Variants in AKT3 observed in about 807,000 individuals in gnomAD.
AKT3 encodes the protein RAC-gamma serine/threonine-protein kinase.
A neutral mutation model predicts 65.3 loss-of-function variants in AKT3; 15 were observed. That is an observed-to-expected ratio of 0.23 (90% CI 0.15 to 0.35). AKT3 has a LOEUF of 0.35. AKT3 is among the 10% of genes least tolerant of loss of function. The pLI is 1.00. For synonymous variants in AKT3, 206 were observed against 183.8 expected (o/e 1.12, Z -0.98); for missense variants, 243 against 576.5 (o/e 0.42, Z 5.92).
intron 2 of AKT3, among the ~76,000 whole-genome samples, chr1:243,782,005 T>G (rs1018531266): frequency 3.3e-5 from 5 of 152,130 alleles, no homozygotes; most frequent in Non-Finnish European, 7.3e-5. Context: ...GTATTTTTTG[T>G]AGAAGTGGAG....
chr1:243,676,894 G>A (rs1315922746), intron 3 of AKT3, among the ~76,000 whole-genome samples: 1 of 152,022 alleles, frequency 6.6e-6, no homozygotes, highest in South Asian at 2.1e-4. Context: ...TTCTCCCTAA[G>A]TTGTCCTACA....
chr1:243,585,418 AGC>A (rs1269866005), intron 8 of AKT3, among the ~76,000 whole-genome samples: 11 of 152,124 alleles, frequency 7.2e-5, no homozygotes, highest in African/African-American at 2.7e-4. Flanking sequence ...ACCAAAAAAG[AGC>A]CAGAATAGCC....
rs550372978 is a variant in AKT3, at chr1:243,590,348, T to C, written c.697-17300A>G. 5.9e-4 allele frequency among the ~76,000 whole-genome samples: 90 copies of C among 152,280 alleles called. 2 individuals carry two copies. In the South Asian group the frequency reaches 0.018, roughly 31 times the overall value. ...ACACGTATCAAATCACTACACTGTA[T>C]ACCTAAAATTTATACAATTTTATTT... is the stretch of plus-strand genomic sequence containing the variant. On this transcript the variant is annotated intron_variant, in intron 8 of 13. Transcript: ENST00000673466.
At chr1:243,543,197 G>A (rs1672434615) in intron 12 of AKT3, among the ~76,000 whole-genome samples, 1 of 152,024 alleles carries the variant, frequency 6.6e-6, no homozygotes, top group East Asian at 1.9e-4. Context: ...CTTTACACTG[G>A]GCATGTCTAA....
At chr1:243,675,580 C>T (rs1683454223) in intron 3 of AKT3, among the ~76,000 whole-genome samples, 1 of 152,230 alleles carries the variant, frequency 6.6e-6, no homozygotes, top group Admixed American at 6.5e-5. Flanking sequence ...CTTCGTTTTG[C>T]TGGTAAATCA....
intron 2 of AKT3, among the ~76,000 whole-genome samples, chr1:243,718,010 A>G (rs1686619155): frequency 6.6e-6 from 1 of 152,232 alleles, no homozygotes; most frequent in Non-Finnish European, 1.5e-5. Flanking sequence ...TACACCCATT[A>G]AAGTATGCAA....
At chr1:243,758,747 G>A (rs1455301845) in intron 2 of AKT3, among the ~76,000 whole-genome samples, 2 of 152,158 alleles carry the variant, frequency 1.3e-5, no homozygotes. Flanking sequence ...AATAGGGTTC[G>A]CACTCCTATG....
chr1:243,810,752 G>A (rs1693083521), intron 2 of AKT3, among the ~76,000 whole-genome samples: 1 of 152,160 alleles, frequency 6.6e-6, no homozygotes, highest in Non-Finnish European at 1.5e-5. Context: ...CAACATCCCT[G>A]ATGAACATCG....
At chr1:243,492,564 A>G (rs1666772910) in intron 13 of AKT3, among the ~76,000 whole-genome samples, 1 of 148,692 alleles carries the variant, frequency 6.7e-6, no homozygotes, top group South Asian at 2.1e-4. Flanking sequence ...TTAGCCTCCT[A>G]AAGTGCTGGG....
At chr1:243,605,571 T>G (rs896731849) in intron 8 of AKT3, among the ~76,000 whole-genome samples, 1 of 152,236 alleles carries the variant, frequency 6.6e-6, no homozygotes, top group African/African-American at 2.4e-5. Flanking sequence ...TCAACTTGTC[T>G]ATCTCAGCTA....
intron 2 of AKT3, among the ~76,000 whole-genome samples, chr1:243,700,378 A>G (rs1685367817): frequency 6.6e-6 from 1 of 152,184 alleles, no homozygotes; most frequent in Non-Finnish European, 1.5e-5. Flanking sequence ...ACTTCACTTA[A>G]TAACTTATTC....
intron 11 of AKT3, among the ~76,000 whole-genome samples, chr1:243,551,201 C>G (rs567047440): frequency 6.6e-6 from 1 of 152,136 alleles, no homozygotes; most frequent in South Asian, 2.1e-4. Context: ...TTGAAGAAAT[C>G]ACCTAACCCT....
intron 2 of AKT3, among the ~76,000 whole-genome samples, chr1:243,736,735 T>C (rs1320182112): frequency 6.6e-6 from 1 of 152,178 alleles, no homozygotes; most frequent in Non-Finnish European, 1.5e-5. Context: ...ATATGCTGAT[T>C]TGAAACAAAA....
At chr1:243,770,526 G>A (rs1219285363) in intron 2 of AKT3, among the ~76,000 whole-genome samples, 1 of 151,996 alleles carries the variant, frequency 6.6e-6, no homozygotes, top group South Asian at 2.1e-4. Context: ...GAAGCTGCAT[G>A]TATATGAGAA....
chr1:243,654,994 A>C lies in AKT3; in HGVS notation c.285-8957T>G, dbSNP rs559784773. On this transcript the variant is annotated intron_variant, in intron 4 of 13. Transcript: ENST00000673466. ...CTTTAACTATTTTTTAAAAAATTTC[A>C]ATCATTATATTTTCAAATACTTTTT... Among the ~76,000 whole-genome samples the C allele has an allele frequency of 9.9e-5, 15 of 152,222 alleles. No individual in the cohort carries two copies. In the East Asian group the frequency reaches 2.9e-3, roughly 29 times the overall value.
At chr1:243,506,574 TTTCTG>T (rs1179438139) in intron 13 of AKT3, among the ~76,000 whole-genome samples, 2 of 152,246 alleles carry the variant, frequency 1.3e-5, no homozygotes, top group African/African-American at 4.8e-5. Flanking sequence ...CTGTTTTTCT[TTTCTG>T]TATCCCACTC....
intron 2 of AKT3, among the ~76,000 whole-genome samples, chr1:243,762,395 T>C (rs992345856): frequency 6.6e-6 from 1 of 152,066 alleles, no homozygotes; most frequent in African/African-American, 2.4e-5. Flanking sequence ...GAAGAAGAGA[T>C]AATGTCAAAA....
rs535252331 is a variant in AKT3, at chr1:243,532,091, T to C, written c.1251+13419A>G. Among the ~76,000 whole-genome samples, 47 of 152,350 alleles carry C rather than the reference T, an allele frequency of 3.1e-4. 1 individual carries two copies. The highest frequency in any genetic ancestry group is 4.1e-4 in the Non-Finnish European group (28 of 68,024). On this transcript the variant is annotated intron_variant, in intron 12 of 13. Coordinates refer to ENST00000673466, the MANE Select transcript of AKT3 (RefSeq NM_005465.7). ...GTAGTTTTATTTCTTCCTTGCAAATTTGATTGCTTTTTATTTCTCTTATTT... is the reference window on the plus strand; with the variant it reads ...GTAGTTTTATTTCTTCCTTGCAAATCTGATTGCTTTTTATTTCTCTTATTT...
rs1312680697 is a variant in AKT3 at position 243,846,058 on chromosome 1, C to G, written c.-112-2776G>C. On this transcript the variant is annotated intron_variant, in intron 1 of 13. Coordinates refer to ENST00000673466, the MANE Select transcript of AKT3 (RefSeq NM_005465.7). Reference sequence around the variant, plus strand: ...GTTAAAATCTACGGAGTATCTACTTCATATATAGATGGCATCATAAGTGAA... The same window carrying G: ...GTTAAAATCTACGGAGTATCTACTTGATATATAGATGGCATCATAAGTGAA... Among the ~76,000 whole-genome samples, 3 of 152,162 alleles carry G rather than the reference C, an allele frequency of 2.0e-5. No homozygotes were observed. The East Asian group carries it at 5.8e-4, about 29-fold the overall frequency.
Sources: gnomAD v4.1 joint callset for allele counts (sites outside exome capture counted in the v4.1 genomes callset) on GRCh38, gnomAD v4.1.1 for gene constraint, MANE v1.5 for transcripts, NCBI Gene and HGNC (gene_info 2026-07-23, HGNC 2026-07-21) for gene names.